The following HERC1 variants were observed in gnomAD, a reference collection of about 807,000 sequenced individuals.
The protein encoded by HERC1 is probable E3 ubiquitin-protein ligase HERC1.
In HERC1, 160 loss-of-function variants were observed where a neutral mutation model predicts 554.3. The observed-to-expected ratio is 0.29, with a 90% confidence interval of 0.25 to 0.33. The LOEUF (loss-of-function observed/expected upper bound fraction) is 0.33. HERC1 is among the 10% of genes least tolerant of loss of function. The pLI is 1.00. For synonymous variants in HERC1, 2,175 were observed against 2,131.7 expected, an observed-to-expected ratio of 1.02 and a Z score of -0.56; for missense variants, 4,919 against 5,918.5, an observed-to-expected ratio of 0.83 and a Z score of 5.54.
At chr15:63,729,699 A>T in intron 14 of HERC1, 50 bp from the exon 15 acceptor site, 1 of 1,569,238 alleles carries the variant, frequency 6.4e-7, no homozygotes, top group East Asian at 2.2e-5. Context: ...TGAAACTGAA[A>T]GTAACAACCT....
chr15:63,654,282 G>A lies in HERC1; in HGVS notation c.10127C>T (p.Ser3376Phe). The change falls in exon 51 of 78, where the codon TCC (serine) becomes TTC (phenylalanine). Residue 3376 changes from serine to phenylalanine, a missense_variant. By Grantham distance (155) the Ser-to-Phe change is radical. Around this residue, in one of 11 missense-constraint regions of HERC1, gnomAD observed 1,963 missense variants for 2,228.6 expected, o/e 0.88. Transcript: ENST00000443617. ...CCGATGCTGTGAGGACAGCCTGGAG[G>A]AGAGGCAGCAGGCTGCCAGGGCATT... ...LANALAACCL[S>F]SRLSSQHRQW... The A allele has an allele frequency of 6.2e-7, 1 of 1,613,972 alleles. No homozygotes were observed. Among genetic ancestry groups the A allele is most frequent in the Non-Finnish European group, 8.5e-7 (1 of 1,179,862 alleles).
chr15:63,661,789 G>C lies in HERC1; in HGVS notation c.9134C>G (p.Ala3045Gly), dbSNP rs1363465520. The C allele has an allele frequency of 6.2e-7, 1 of 1,613,806 alleles. No individual in the cohort carries two copies. Among genetic ancestry groups the C allele is most frequent in the Non-Finnish European group, 8.5e-7 (1 of 1,179,864 alleles). ...TGTTGACTTAGATTTGGTCTTCATGGCTAAGTACTTCTCCCTGCAGGTGCC... is the reference window on the plus strand; with the variant it reads ...TGTTGACTTAGATTTGGTCTTCATGCCTAAGTACTTCTCCCTGCAGGTGCC... ...LCGTCREKYLAMKTKSKSTSS... is the reference protein window; with the variant it reads ...LCGTCREKYLGMKTKSKSTSS... Residue 3045 changes from alanine (A) to glycine (G), a missense_variant, in exon 45 of 78, where the codon GCC (alanine) becomes GGC (glycine). Around this residue, in one of 11 missense-constraint regions of HERC1, gnomAD observed 1,963 missense variants for 2,228.6 expected, o/e 0.88. Transcript: ENST00000443617.
In HERC1 at chr15:63,716,488, C is replaced by A. The variant is rs753520353; in HGVS notation, c.3979-15G>T. 1.1e-5 allele frequency: 17 copies of A among 1,570,204 alleles called. No homozygotes were observed. The South Asian group carries it at 1.9e-4, about 18-fold the overall frequency. On this transcript the variant is annotated splice_polypyrimidine_tract_variant and intron_variant, in intron 21 of 77. Coordinates refer to ENST00000443617, the MANE Select transcript of HERC1 (RefSeq NM_003922.4). ...TTTTCTGATATCTTAAAGAAATTAT[C>A]AGAAACTACACTAAATACATTTTTT...
At chr15:63,824,949 G>A (rs191704351) in intron 1 of HERC1, among the ~76,000 whole-genome samples, 33 of 152,162 alleles carry the variant, frequency 2.2e-4, no homozygotes, top group Non-Finnish European at 3.8e-4. Flanking sequence ...GAGAGTAGGG[G>A]AGATGCAGGT....
chr15:63,697,145 T>C (rs2072464738), intron 26 of HERC1, among the ~76,000 whole-genome samples: 1 of 152,164 alleles, frequency 6.6e-6, no homozygotes, highest in African/African-American at 2.4e-5. Context: ...TAAAAGACTA[T>C]TTGGATTTTA....
intron 1 of HERC1, among the ~76,000 whole-genome samples, chr15:63,793,124 A>G (rs569534900): frequency 6.6e-5 from 10 of 152,350 alleles, no homozygotes; most frequent in African/African-American, 2.2e-4. Flanking sequence ...CCCTCCAGGA[A>G]CTGCCAGAGG....
intron 66 of HERC1, 126 bp downstream of exon 66, chr15:63,634,607 C>A: frequency 1.5e-6 from 1 of 662,864 alleles, no homozygotes; most frequent in South Asian, 2.5e-5. Flanking sequence ...ATCAATTAGA[C>A]CATAGCAAAA....
At chr15:63,640,082 G>C in intron 61 of HERC1, 70 bp downstream of exon 61, 1 of 1,413,204 alleles carries the variant, frequency 7.1e-7, no homozygotes, top group Non-Finnish European at 9.8e-7. Context: ...ACTTATTAGG[G>C]GTCTGCTACA....
Position 63,670,644 on chromosome 15 carries a change from C to T in HERC1, c.8046-946G>A, listed in dbSNP as rs749253437. On this transcript the variant is annotated intron_variant, in intron 39 of 77. Coordinates refer to ENST00000443617, the MANE Select transcript of HERC1 (RefSeq NM_003922.4). ...GGAGCAAGGGGGCATGATTCTACCA[C>T]TGAATCCCATGCCCACACTAATCAG... is the stretch of plus-strand genomic sequence containing the variant. 2.6e-5 allele frequency among the ~76,000 whole-genome samples: 4 copies of T among 152,186 alleles called. No homozygotes were observed. The South Asian group carries it at 6.2e-4, about 24-fold the overall frequency.
chr15:63,640,190 G>C lies in HERC1; in HGVS notation c.11863C>G (p.Leu3955Val), dbSNP rs1300353803. Reference sequence around the variant, plus strand: ...AGTTCATCCTCTGGAACAGGTTCTAGATCTGGAACGGTAAAAGATTCTGGA... The same window carrying C: ...AGTTCATCCTCTGGAACAGGTTCTACATCTGGAACGGTAAAAGATTCTGGA... ...QFPESFTVPD[L>V]EPVPEDELVF... The change falls in exon 61 of 78, where the codon CTA (leucine) becomes GTA (valine). Residue 3955 changes from leucine (L) to valine (V), a missense_variant. This residue lies in a region of HERC1 where 1,963 missense variants were observed against 2,228.6 expected (regional missense o/e 0.88). Transcript: ENST00000443617. 2 of 1,613,822 alleles carry C rather than the reference G, an allele frequency of 1.2e-6. No individual in the cohort carries two copies. Among genetic ancestry groups the C allele is most frequent in the Non-Finnish European group, 1.7e-6 (2 of 1,179,856 alleles).
intron 24 of HERC1, among the ~76,000 whole-genome samples, chr15:63,710,636 C>A (rs2073244290): frequency 1.3e-5 from 2 of 151,948 alleles, no homozygotes; most frequent in South Asian, 4.1e-4. Flanking sequence ...CCAGAAAAAA[C>A]AAAGCAAGGC....
Position 63,677,274 on chromosome 15 carries a change from C to T in HERC1, c.7070+571G>A, listed in dbSNP as rs577886603. ...CAAATCCTCTCTGAATTCAAACACA[C>T]CTAAATGCTTTTAAATACCCAGTTT... On this transcript the variant is annotated intron_variant, in intron 37 of 77. Transcript: ENST00000443617. This position sits in a 1 kb window ranked among gnomAD's most constrained non-coding sequence, Gnocchi z 4.4. Among the ~76,000 whole-genome samples the T allele has an allele frequency of 6.9e-4, 105 of 152,268 alleles. No individual in the cohort carries two copies. Among genetic ancestry groups the T allele is most frequent in the African/African-American group, 2.4e-3 (100 of 41,556 alleles).
At chr15:63,659,187 T>A (rs531854662) in intron 47 of HERC1, among the ~76,000 whole-genome samples, 7 of 152,264 alleles carry the variant, frequency 4.6e-5, no homozygotes, top group African/African-American at 1.2e-4. Context: ...AGTTTTTTTT[T>A]AAATAACAAG....
At chr15:63,833,793 G>GCACACACACACAC (rs1567176634) in intron 1 of HERC1, 34 bp downstream of exon 1, 2 of 146,238 alleles carry the variant, frequency 1.4e-5, no homozygotes, top group African/African-American at 5.2e-5. Context: ...ACACACACAG[G>GCACACACACACAC]ACCAGGAGGA....
Position 63,727,440 on chromosome 15 carries a change from A to T in HERC1, c.3346+207T>A, listed in dbSNP as rs946364815. 6.6e-6 allele frequency among the ~76,000 whole-genome samples: 1 copy of T among 152,190 alleles called. No homozygotes were observed. Among genetic ancestry groups the T allele is most frequent in the Non-Finnish European group, 1.5e-5 (1 of 68,026 alleles). On this transcript the variant is annotated intron_variant, in intron 17 of 77. Coordinates refer to ENST00000443617, the MANE Select transcript of HERC1 (RefSeq NM_003922.4). The surrounding 1 kb of genome is among the most constrained non-coding windows in gnomAD (Gnocchi z 4.3). ...CCTCAAGGTCATCTTTCCAACTCCA[A>T]TGCTTTTCCTTTTATGCTCCAGCCC...
At chr15:63,649,277 A>C (rs1318217326) in intron 54 of HERC1, among the ~76,000 whole-genome samples, 2 of 152,106 alleles carry the variant, frequency 1.3e-5, no homozygotes, top group African/African-American at 2.4e-5. Flanking sequence ...AGCTTGAACC[A>C]GGGAGTCAGA....
chr15:63,776,861 C>T (rs1229067611), intron 1 of HERC1, among the ~76,000 whole-genome samples: 1 of 152,178 alleles, frequency 6.6e-6, no homozygotes, highest in African/African-American at 2.4e-5. Context: ...TTACATTTCA[C>T]TGCATGTAAA....
rs752448725 is a variant in HERC1 at position 63,680,509 on chromosome 15, T to C, written c.6465+28A>G. The C allele has an allele frequency of 6.2e-6, 10 of 1,607,730 alleles. No individual in the cohort carries two copies. In the African/African-American group the frequency reaches 1.2e-4, roughly 19 times the overall value. ...TGACTATAAATAGAAACAAGAAAAATGTAATGCTTGTGAATGGGTGTCGGT... is the reference window on the plus strand; with the variant it reads ...TGACTATAAATAGAAACAAGAAAAACGTAATGCTTGTGAATGGGTGTCGGT... On this transcript the variant is annotated intron_variant, in intron 35 of 77. Coordinates refer to ENST00000443617, the MANE Select transcript of HERC1 (RefSeq NM_003922.4). This position sits in a 1 kb window ranked among gnomAD's most constrained non-coding sequence, Gnocchi z 5.8.
Position 63,612,239 on chromosome 15 carries a change from T to G in HERC1, c.14400+12A>C, listed in dbSNP as rs560176021. 3 of 1,585,420 alleles carry G rather than the reference T, an allele frequency of 1.9e-6. No individual in the cohort carries two copies. Among genetic ancestry groups the G allele is most frequent in the Non-Finnish European group, 2.6e-6 (3 of 1,161,788 alleles). On this transcript the variant is annotated intron_variant, in intron 77 of 77. Coordinates refer to ENST00000443617, the MANE Select transcript of HERC1 (RefSeq NM_003922.4). This position sits in a 1 kb window ranked among gnomAD's most constrained non-coding sequence, Gnocchi z 5.0. ...GCAGACATTACAAAGGAAAAAAGAA[T>G]AGCTTACTTACCCTATCAACCTTCA...
Sources: allele counts gnomAD v4.1 joint callset (sites outside exome capture counted in the v4.1 genomes callset), GRCh38; gene constraint gnomAD v4.1.1; regional missense constraint gnomAD v4.1.1; non-coding constraint Gnocchi (gnomAD v3.1); transcripts MANE v1.5; gene names NCBI Gene and HGNC (gene_info 2026-07-23, HGNC 2026-07-21).